ZBTB44: variants seen among roughly 807,000 people sequenced by gnomAD.
ZBTB44 encodes the protein zinc finger and BTB domain-containing protein 44.
A neutral mutation model predicts 54.0 loss-of-function variants in ZBTB44; 15 were observed. The observed-to-expected ratio is 0.28, with a 90% CI of 0.19 to 0.43. The LOEUF (loss-of-function observed/expected upper bound fraction) is 0.43, where lower values mean the gene tolerates loss of function less well. ZBTB44 is among the 20% of genes least tolerant of loss of function. The probability of loss-of-function intolerance (pLI) is 1.00; values close to 1 mark genes in which losing one functional copy is unlikely to be tolerated. For missense variants in ZBTB44, 487 were observed against 707.1 expected (o/e 0.69, Z 3.53); for synonymous variants, 230 against 250.1 (o/e 0.92, Z 0.76).
At chr11:130,244,451 A>C (rs943940859) in intron 2 of ZBTB44, among the ~76,000 whole-genome samples, 2 of 152,112 alleles carry the variant, frequency 1.3e-5, no homozygotes, top group Non-Finnish European at 2.9e-5. Flanking sequence ...GTGGATCACA[A>C]GGTCAGGAGA....
At chr11:130,264,206 T>G (rs7118623) in intron 1 of ZBTB44, among the ~76,000 whole-genome samples, 18,700 of 152,254 alleles carry the variant, frequency 0.12, 1,339 homozygotes, top group African/African-American at 0.2. Context: ...GTGTTTAGAA[T>G]AGTAACTAGT....
chr11:130,285,814 C>G (rs1004980384), intron 1 of ZBTB44: 1 of 176,956 alleles, frequency 5.7e-6, no homozygotes, highest in African/African-American at 2.4e-5. Context: ...AGGCACACAA[C>G]AAATCCTGAG....
In ZBTB44 at chr11:130,256,441, G is replaced by T. The variant is rs551215030; in HGVS notation, c.1018+4415C>A. Among the ~76,000 whole-genome samples, 12 of 152,268 alleles carry T rather than the reference G, an allele frequency of 7.9e-5. No homozygotes were observed. In the East Asian group the frequency reaches 2.3e-3, roughly 29 times the overall value. The stretch of plus-strand genomic sequence containing the variant: ...GCCTGTAATCCCAGCATTTTGGGAC[G>T]CCGAGGCAGGCGGATCACGAGGTCA... On this transcript the variant is annotated intron_variant, in intron 2 of 7. Coordinates refer to ENST00000357899, the MANE Select transcript of ZBTB44 (RefSeq NM_001301098.2).
chr11:130,276,016 A>C (rs1480063641), intron 1 of ZBTB44, among the ~76,000 whole-genome samples: 1 of 151,488 alleles, frequency 6.6e-6, no homozygotes, highest in African/African-American at 2.4e-5. Context: ...ACCTGAGGTC[A>C]GGAGTTTGAG....
In ZBTB44 at chr11:130,236,886, CAT is replaced by C. The variant is rs753100005; in HGVS notation, c.1473_1474del (p.Cys492TrpfsTer20). The C allele has an allele frequency of 6.4e-7, 1 of 1,553,576 alleles. No individual in the cohort carries two copies. Among genetic ancestry groups the C allele is most frequent in the Admixed American group, 2.0e-5 (1 of 50,654 alleles). Reference sequence around the variant, plus strand: ...TCCAGAGTTGGTGAACATGGCGCCACATGTTTTGCACTCGTAAATCCGAGGCT... The same window carrying C: ...TCCAGAGTTGGTGAACATGGCGCCACGTTTTGCACTCGTAAATCCGAGGCT... On this transcript the variant is annotated frameshift_variant, in exon 5 of 8. Coordinates refer to ENST00000357899, the MANE Select transcript of ZBTB44 (RefSeq NM_001301098.2). LOFTEE classifies it high-confidence loss of function.
intron 1 of ZBTB44, among the ~76,000 whole-genome samples, chr11:130,288,337 G>A (rs1448477542): frequency 6.6e-6 from 1 of 151,676 alleles, no homozygotes; most frequent in African/African-American, 2.4e-5. Context: ...TCATGCCACT[G>A]TTCTCCAGCC....
intron 1 of ZBTB44, among the ~76,000 whole-genome samples, chr11:130,277,821 T>C (rs901997740): frequency 3.9e-5 from 6 of 152,186 alleles, no homozygotes; most frequent in Non-Finnish European, 8.8e-5. Flanking sequence ...TTTTCGTTTT[T>C]ATCTAGGACA....
At chr11:130,238,106 A>C (rs1954191265) in intron 4 of ZBTB44, among the ~76,000 whole-genome samples, 1 of 152,224 alleles carries the variant, frequency 6.6e-6, no homozygotes. Flanking sequence ...AACAGCACAA[A>C]GAACACCCAT....
chr11:130,268,810 C>T (rs1426872209), intron 1 of ZBTB44, among the ~76,000 whole-genome samples: 1 of 151,208 alleles, frequency 6.6e-6, no homozygotes, highest in African/African-American at 2.4e-5. Flanking sequence ...GAACTCCTGA[C>T]CTCATGTGAT....
intron 1 of ZBTB44, chr11:130,296,072 G>C: frequency 1.3e-6 from 2 of 1,582,778 alleles, no homozygotes; most frequent in South Asian, 2.2e-5. Flanking sequence ...TTGGATGTTG[G>C]GTATGAAGAG....
rs570104163 is a variant in ZBTB44 at position 130,265,956 on chromosome 11, C to G, written c.-56-4027G>C. Among the ~76,000 whole-genome samples the G allele has an allele frequency of 1.3e-4, 20 of 152,344 alleles. No individual in the cohort carries two copies. The South Asian group carries it at 3.9e-3, about 30-fold the overall frequency. On this transcript the variant is annotated intron_variant, in intron 1 of 7. Transcript: ENST00000357899. ...GTTATCCAGAAGAGCTAGTTAAGAT[C>G]ATTGACGAAGGTGGCTACACTAAAC...
rs1030303450 is a variant in ZBTB44 at position 130,228,072 on chromosome 11, T to C, written c.*3692A>G. ...AGATAGTAGAGGCACAAAGAAGCCATATACTATCCTCCAAGTTGGACATAA... is the reference window on the plus strand; with the variant it reads ...AGATAGTAGAGGCACAAAGAAGCCACATACTATCCTCCAAGTTGGACATAA... On this transcript the variant is annotated 3_prime_UTR_variant, in exon 8 of 8. Transcript: ENST00000357899. The C allele has an allele frequency of 4.6e-5, 7 of 152,308 alleles. No individual in the cohort carries two copies. The East Asian group carries it at 1.4e-3, about 29-fold the overall frequency. 9.4% of individuals were successfully genotyped at this position (152,308 alleles called of 1,614,324 possible). A position where few individuals can be genotyped will look rare whatever the true frequency, so the allele number is the denominator to read the frequency against.
intron 1 of ZBTB44, among the ~76,000 whole-genome samples, chr11:130,294,393 CAGAG>C (rs971483926): frequency 6.6e-6 from 1 of 151,582 alleles, no homozygotes; most frequent in East Asian, 1.9e-4. Context: ...GCCTGGGTGA[CAGAG>C]AGAGACTCTG....
At chr11:130,284,469 TTAA>T (rs1415761436) in intron 1 of ZBTB44, among the ~76,000 whole-genome samples, 1 of 152,218 alleles carries the variant, frequency 6.6e-6, no homozygotes, top group Non-Finnish European at 1.5e-5. Flanking sequence ...AGTCAGTTAC[TTAA>T]TGTCAGTTAT....
intron 7 of ZBTB44, chr11:130,231,994 T>C (rs1175575643): frequency 6.6e-6 from 1 of 152,160 alleles, no homozygotes; most frequent in African/African-American, 2.4e-5. Context: ...AACACACCTA[T>C]GTTTGGCAGC....
intron 2 of ZBTB44, among the ~76,000 whole-genome samples, chr11:130,257,415 G>T (rs1042454812): frequency 3.3e-5 from 5 of 152,072 alleles, no homozygotes; most frequent in Non-Finnish European, 7.4e-5. Flanking sequence ...GAGATTTGAA[G>T]CCAGTGGCAA....
Position 130,294,089 on chromosome 11 carries a change from A to T in ZBTB44, c.-57+20286T>A, listed in dbSNP as rs116245646. Among the ~76,000 whole-genome samples the T allele has an allele frequency of 4.6e-3, 704 of 152,270 alleles. 3 individuals are homozygous for T. The highest frequency in any genetic ancestry group is 0.015 in the African/African-American group (607 of 41,548). On this transcript the variant is annotated intron_variant, in intron 1 of 7. Transcript: ENST00000357899. ...AGTGTCACTATCTCACTCTGGACTCACAAACTCTGGTAAAAGGATTTTTTA... is the reference window on the plus strand; with the variant it reads ...AGTGTCACTATCTCACTCTGGACTCTCAAACTCTGGTAAAAGGATTTTTTA...
chr11:130,290,269 G>C (rs1181233852), intron 1 of ZBTB44, among the ~76,000 whole-genome samples: 1 of 152,226 alleles, frequency 6.6e-6, no homozygotes, highest in Admixed American at 6.5e-5. Context: ...AAGAGGCAAG[G>C]AATGGTTTCT....
At chr11:130,258,262 A>C (rs1938591513) in intron 2 of ZBTB44, among the ~76,000 whole-genome samples, 1 of 152,236 alleles carries the variant, frequency 6.6e-6, no homozygotes, top group African/African-American at 2.4e-5. Context: ...CCTAGTCATC[A>C]GAGTACTTTA....
Sources: allele counts gnomAD v4.1 joint callset (sites outside exome capture counted in the v4.1 genomes callset), GRCh38; gene constraint gnomAD v4.1.1; transcripts MANE v1.5; gene names NCBI Gene and HGNC (gene_info 2026-07-23, HGNC 2026-07-21).